Variants in CCNC observed in about 807,000 individuals in gnomAD.
The protein encoded by CCNC is cyclin-C.
CCNC carries 19 observed loss-of-function variants against 50.0 expected under a neutral mutation model. That is an observed-to-expected ratio of 0.38 (90% confidence interval 0.27 to 0.56). The LOEUF (loss-of-function observed/expected upper bound fraction) is 0.56. CCNC is among the 20% of genes least tolerant of loss of function. The pLI is 0.72. For synonymous variants in CCNC, 93 were observed against 103.7 expected (o/e 0.90, Z 0.63); for missense variants, 200 against 327.1 (o/e 0.61, Z 3.00).
At position 99,542,862 on chromosome 6, in the gene CCNC, TAA is replaced by T. The variant is rs1315572167; in HGVS notation, c.*691_*692del. 1 of 152,600 alleles carries T rather than the reference TAA, an allele frequency of 6.6e-6. No homozygotes were observed. Among genetic ancestry groups the T allele is most frequent in the African/African-American group, 2.4e-5 (1 of 41,462 alleles). 9.5% of individuals were successfully genotyped at this position (152,600 alleles called of 1,614,324 possible). ...TGCCTGATTAGCTGTGAATTAATTA[TAA>T]ATAACTTCATGTAGTTTGCCCAGCA... On this transcript the variant is annotated 3_prime_UTR_variant, in exon 12 of 12. Coordinates refer to ENST00000520429, the MANE Select transcript of CCNC (RefSeq NM_005190.4).
chr6:99,558,105 A>G (rs1802616613), intron 5 of CCNC: 1 of 227,840 alleles, frequency 4.4e-6, no homozygotes, highest in Non-Finnish European at 8.4e-6. Flanking sequence ...TCCTCATAAC[A>G]ACCCAACAAC....
intron 5 of CCNC, among the ~76,000 whole-genome samples, chr6:99,553,893 G>A (rs1802412043): frequency 6.6e-6 from 1 of 152,030 alleles, no homozygotes; most frequent in Non-Finnish European, 1.5e-5. Context: ...ACATTAGTAT[G>A]GCGCATTTGT....
At chr6:99,543,825 T>C (rs1240309974) in intron 11 of CCNC, 11 of 1,374,274 alleles carry the variant, frequency 8.0e-6, no homozygotes, top group Non-Finnish European at 1.0e-5. Context: ...CCCTCACATA[T>C]AACAAGCATT....
chr6:99,556,151 C>G (rs2114342071), intron 5 of CCNC, among the ~76,000 whole-genome samples: 1 of 152,338 alleles, frequency 6.6e-6, no homozygotes, highest in East Asian at 1.9e-4. Context: ...GCACTCAATA[C>G]AGTTTGCAGT....
Position 99,543,464 on chromosome 6 carries a change from T to G in CCNC, c.*91A>C. ...AATATGCTTGACAGAAACAAGCTAT[T>G]CATTTTCATTTGTGTTCCACTGAAG... is the stretch of plus-strand genomic sequence containing the variant. On this transcript the variant is annotated 3_prime_UTR_variant, in exon 12 of 12. Transcript: ENST00000520429. 4 of 1,357,566 alleles carry G rather than the reference T, an allele frequency of 2.9e-6. No individual in the cohort carries two copies. In the South Asian group the frequency reaches 5.0e-5, roughly 17 times the overall value. The allele number at this position is 1,357,566 out of a possible 1,614,324, so 84.1% of individuals were successfully genotyped here. A position where few individuals can be genotyped will look rare whatever the true frequency, so the allele number is the denominator to read the frequency against.
intron 2 of CCNC, 45 bp downstream of exon 2, chr6:99,562,797 A>G: frequency 1.9e-6 from 2 of 1,068,470 alleles, no homozygotes; most frequent in Non-Finnish European, 2.8e-6. Context: ...TTTTATTCAG[A>G]GGTAACCAAC....
At chr6:99,555,533 GC>G (rs202220446) in intron 5 of CCNC, among the ~76,000 whole-genome samples, 11,621 of 151,978 alleles carry the variant, frequency 0.076, 584 homozygotes, top group South Asian at 0.12. Context: ...GAACTCCTGG[GC>G]TTAGGCAACC....
At chr6:99,553,014 T>C (rs330813) in intron 5 of CCNC, among the ~76,000 whole-genome samples, 129,716 of 151,630 alleles carry the variant, frequency 0.86, 56,178 homozygotes, top group East Asian at 0.99. Flanking sequence ...TGCACTCCAG[T>C]CTGGGTGACA....
At chr6:99,544,178 C>T (rs1403373710) in intron 11 of CCNC, 3 of 1,517,472 alleles carry the variant, frequency 2.0e-6, no homozygotes, top group Admixed American at 2.1e-5. Context: ...ACTGAAAATA[C>T]CAGTAACTTT....
At chr6:99,558,123 C>T (rs868174963) in intron 5 of CCNC, 20 of 247,846 alleles carry the variant, frequency 8.1e-5, no homozygotes, top group Middle Eastern at 1.2e-3. Flanking sequence ...AACACAGGAA[C>T]GGGTTTGCAC....
chr6:99,547,314 C>A (rs1296405121), intron 9 of CCNC, among the ~76,000 whole-genome samples: 2 of 151,936 alleles, frequency 1.3e-5, no homozygotes, highest in Admixed American at 6.6e-5. Context: ...TTAAAAAAAA[C>A]CAAATGACTG....
chr6:99,546,953 C>A lies in CCNC; in HGVS notation c.599-479G>T, dbSNP rs181096093. On this transcript the variant is annotated intron_variant, in intron 9 of 11. Coordinates refer to ENST00000520429, the MANE Select transcript of CCNC (RefSeq NM_005190.4). ...TTTTTCTTCCTTTTCATTATTAGCA[C>A]ATGATCAAGTTATGTGAAAGCTGGG... 4.3e-4 allele frequency among the ~76,000 whole-genome samples: 65 copies of A among 152,264 alleles called. No homozygotes were observed. In the East Asian group the frequency reaches 9.8e-3, roughly 23 times the overall value.
chr6:99,551,920 A>T (rs1042349322), intron 5 of CCNC, 25 bp from the exon 6 acceptor site: 3 of 1,357,278 alleles, frequency 2.2e-6, no homozygotes, highest in East Asian at 2.6e-5. Flanking sequence ...AAAAAAATTT[A>T]AACTGAGAAA....
chr6:99,543,927 A>G, intron 11 of CCNC: 1 of 1,261,674 alleles, frequency 7.9e-7, no homozygotes, highest in South Asian at 2.4e-5. Context: ...TAGAGATTAC[A>G]GCTTCTTCTA....
intron 9 of CCNC, among the ~76,000 whole-genome samples, chr6:99,546,977 G>A (rs1201280607): frequency 6.6e-6 from 1 of 151,974 alleles, no homozygotes; most frequent in East Asian, 1.9e-4. Context: ...GTGAAAGCTG[G>A]GCACATCCTT....
chr6:99,550,101 C>A, intron 8 of CCNC, 117 bp downstream of exon 8: 1 of 674,370 alleles, frequency 1.5e-6, no homozygotes, highest in Non-Finnish European at 2.5e-6. Context: ...TTTTGCTCAA[C>A]ATAAAATATC....
At chr6:99,550,918 C>A (rs1333928887) in intron 7 of CCNC, 75 bp downstream of exon 7, 1 of 775,812 alleles carries the variant, frequency 1.3e-6, no homozygotes, top group Non-Finnish European at 1.9e-6. Context: ...TCTCTAAAAT[C>A]ATTTCTTTAA....
At chr6:99,563,977 A>G (rs1006225950) in intron 1 of CCNC, among the ~76,000 whole-genome samples, 5 of 152,152 alleles carry the variant, frequency 3.3e-5, no homozygotes, top group Admixed American at 1.3e-4. Context: ...TTCTCCTTGC[A>G]TATTTGATTA....
At chr6:99,544,211 C>G in intron 11 of CCNC, 1 of 1,534,288 alleles carries the variant, frequency 6.5e-7, no homozygotes, top group East Asian at 2.4e-5. Context: ...ATTGCCTTAT[C>G]TTGTCCACCA....
Sources: allele counts gnomAD v4.1 joint callset (sites outside exome capture counted in the v4.1 genomes callset), GRCh38; gene constraint gnomAD v4.1.1; transcripts MANE v1.5; gene names NCBI Gene and HGNC (gene_info 2026-07-23, HGNC 2026-07-21).